Variants in TRIM59 observed in about 807,000 individuals in gnomAD.
TRIM59 encodes the protein tripartite motif-containing protein 59.
A neutral mutation model predicts 32.2 loss-of-function variants in TRIM59; 14 were observed. The ratio of observed to expected loss-of-function variants is 0.43; its 90% CI spans 0.29 to 0.68. The LOEUF (loss-of-function observed/expected upper bound fraction) is 0.68. Among genes scored for constraint, TRIM59 ranks in the 30% least tolerant of loss-of-function variants. The pLI is 0.15. For missense variants in TRIM59, 471 were observed against 463.3 expected, an observed-to-expected ratio of 1.02 and a Z score of -0.15; for synonymous variants, 163 against 155.1, an observed-to-expected ratio of 1.05 and a Z score of -0.38.
chr3:160,436,517 G>C lies in TRIM59; in HGVS notation c.*1455C>G. 1.0e-6 allele frequency: 1 copy of C among 985,694 alleles called. No homozygotes were observed. The highest frequency in any genetic ancestry group is 1.2e-6 in the Non-Finnish European group (1 of 830,038). The allele number at this position is 985,694 out of a possible 1,614,324, so 61.1% of individuals were successfully genotyped here. On this transcript the variant is annotated 3_prime_UTR_variant, in exon 3 of 3. Transcript: ENST00000309784. The stretch of plus-strand genomic sequence containing the variant: ...AAGCTAATAAAAGATTAAGTTGTTG[G>C]GCCGGGCGTGGCGGCTCACGCCTAT...
intron 2 of TRIM59, among the ~76,000 whole-genome samples, chr3:160,446,364 T>C (rs1371076523): frequency 1.3e-5 from 2 of 152,094 alleles, no homozygotes; most frequent in African/African-American, 4.8e-5. Flanking sequence ...AAATGGACAC[T>C]GATGTAAAAT....
Position 160,438,557 on chromosome 3 carries a change from A to G in TRIM59, c.627T>C (p.Asp209=). The change falls in exon 3 of 3, where the codon GAT becomes GAC. Residue 209 remains aspartate, a synonymous_variant. Transcript: ENST00000309784. Reference sequence around the variant, plus strand: ...ATTCTTGATTAATTAGATTGCCAACATCACAGAGAGCCGTTAGGAAACTTT... The same window carrying G: ...ATTCTTGATTAATTAGATTGCCAACGTCACAGAGAGCCGTTAGGAAACTTT... ...KKKSFLTALC[D]VGNLINQEYT... is the part of the protein sequence containing the mutation. 1 of 1,611,302 alleles carries G rather than the reference A, an allele frequency of 6.2e-7. No homozygotes were observed. Among genetic ancestry groups the G allele is most frequent in the Non-Finnish European group, 8.5e-7 (1 of 1,179,418 alleles).
chr3:160,437,306 A>T lies in TRIM59; in HGVS notation c.*666T>A. The T allele has an allele frequency of 3.3e-6, 3 of 915,554 alleles. No homozygotes were observed. Among genetic ancestry groups the T allele is most frequent in the South Asian group, 1.0e-4 (2 of 19,884 alleles). The allele number at this position is 915,554 out of a possible 1,614,324, so 56.7% of individuals were successfully genotyped here. ...GTGGTCGAAACTGCAGTGAGTCATGACCAGACAACTACACTCCAGCCTGGG... is the reference window on the plus strand; with the variant it reads ...GTGGTCGAAACTGCAGTGAGTCATGTCCAGACAACTACACTCCAGCCTGGG... On this transcript the variant is annotated 3_prime_UTR_variant, in exon 3 of 3. Transcript: ENST00000309784.
chr3:160,445,923 C>T (rs966030235), intron 2 of TRIM59, among the ~76,000 whole-genome samples: 1 of 152,064 alleles, frequency 6.6e-6, no homozygotes, highest in Non-Finnish European at 1.5e-5. Context: ...AAACAATCCT[C>T]CCAGCTCAGC....
intron 2 of TRIM59, among the ~76,000 whole-genome samples, chr3:160,444,228 C>A (rs1719405470): frequency 1.3e-5 from 2 of 151,514 alleles, no homozygotes; most frequent in Admixed American, 6.6e-5. Context: ...AAAAAATAAC[C>A]CACAAAAAAT....
Position 160,449,783 on chromosome 3 carries a change from T to A in TRIM59, c.-140A>T. On this transcript the variant is annotated 5_prime_UTR_variant, in exon 1 of 3. Coordinates refer to ENST00000309784, the MANE Select transcript of TRIM59 (RefSeq NM_173084.3). ...CACAGCGCCACGAGCTCCAGGCGGA[T>A]GCTGAGAGCCGCCCCGAGTCCCCGC... is the stretch of plus-strand genomic sequence containing the variant. 4 of 1,256,216 alleles carry A rather than the reference T, an allele frequency of 3.2e-6. No individual in the cohort carries two copies. The highest frequency in any genetic ancestry group is 4.2e-6 in the Non-Finnish European group (4 of 958,400). The allele number at this position is 1,256,216 out of a possible 1,614,324, so 77.8% of individuals were successfully genotyped here.
intron 2 of TRIM59, among the ~76,000 whole-genome samples, chr3:160,440,302 G>A (rs1454980193): frequency 6.6e-6 from 1 of 152,124 alleles, no homozygotes; most frequent in East Asian, 1.9e-4. Context: ...GCACTAAATG[G>A]TAAAGAACAA....
At chr3:160,446,519 G>GA (rs902001687) in intron 2 of TRIM59, among the ~76,000 whole-genome samples, 9 of 151,382 alleles carry the variant, frequency 5.9e-5, no homozygotes, top group Admixed American at 4.6e-4. Flanking sequence ...TAGTTCAATG[G>GA]AAAAAAAATT....
At chr3:160,441,911 A>G (rs1342778896) in intron 2 of TRIM59, among the ~76,000 whole-genome samples, 1 of 152,206 alleles carries the variant, frequency 6.6e-6, no homozygotes, top group African/African-American at 2.4e-5. Flanking sequence ...AAAGAAGATG[A>G]CATTCACTGC....
Position 160,436,351 on chromosome 3 carries a change from C to T in TRIM59, c.*1621G>A, listed in dbSNP as rs1718944947. The T allele has an allele frequency of 3.0e-6, 3 of 985,864 alleles. No individual in the cohort carries two copies. Among genetic ancestry groups the T allele is most frequent in the African/African-American group, 1.7e-5 (1 of 57,204 alleles). 61.1% of individuals were successfully genotyped at this position (985,864 alleles called of 1,614,324 possible). A position where few individuals can be genotyped will look rare whatever the true frequency, so the allele number is the denominator to read the frequency against. ...GCTCTTCGGTGATCCAAGAGCAGCC[C>T]CTTTGGGATTTCTGGAAAGCAAATC... is the stretch of plus-strand genomic sequence containing the variant. On this transcript the variant is annotated 3_prime_UTR_variant, in exon 3 of 3. Coordinates refer to ENST00000309784, the MANE Select transcript of TRIM59 (RefSeq NM_173084.3).
intron 2 of TRIM59, among the ~76,000 whole-genome samples, chr3:160,439,650 T>G (rs1719139250): frequency 6.6e-6 from 1 of 152,154 alleles, no homozygotes; most frequent in Non-Finnish European, 1.5e-5. Context: ...AAACCCCTTT[T>G]GCTTCACTCA....
At chr3:160,440,581 T>C (rs1719190617) in intron 2 of TRIM59, among the ~76,000 whole-genome samples, 1 of 152,204 alleles carries the variant, frequency 6.6e-6, no homozygotes, top group South Asian at 2.1e-4. Context: ...AATCAAGTTA[T>C]ACCACTGTTG....
At chr3:160,446,432 C>T (rs1719531470) in intron 2 of TRIM59, among the ~76,000 whole-genome samples, 1 of 151,656 alleles carries the variant, frequency 6.6e-6, no homozygotes, top group South Asian at 2.1e-4. Flanking sequence ...AACACTGTAC[C>T]ATGACTAAAT....
chr3:160,437,457 C>A lies in TRIM59; in HGVS notation c.*515G>T, dbSNP rs563211429. 90 of 985,382 alleles carry A rather than the reference C, an allele frequency of 9.1e-5. No homozygotes were observed. The South Asian group carries it at 3.6e-3, about 39-fold the overall frequency. 61.0% of individuals were successfully genotyped at this position (985,382 alleles called of 1,614,324 possible). Reference sequence around the variant, plus strand: ...GCATTTAGGGCTCTTAAATCTATCTCAAACACAGGTATGTTTGATCAAAAG... The same window carrying A: ...GCATTTAGGGCTCTTAAATCTATCTAAAACACAGGTATGTTTGATCAAAAG... On this transcript the variant is annotated 3_prime_UTR_variant, in exon 3 of 3. Transcript: ENST00000309784.
At chr3:160,448,357 A>AAT (rs1215974495) in intron 2 of TRIM59, among the ~76,000 whole-genome samples, 2 of 152,246 alleles carry the variant, frequency 1.3e-5, no homozygotes, top group Non-Finnish European at 2.9e-5. Context: ...ACTCATTTAA[A>AAT]AAGACCAATA....
chr3:160,448,780 ATCTTTTATTCTTATTCTAAAAT>A lies in TRIM59; in HGVS notation c.-73-7_-59del, dbSNP rs1719668489. ...TACACTCTTCTCCAACTCCTCCAGAATCTTTTATTCTTATTCTAAAATTAAAATAATGTTATCTTTAATGTTT... is the reference window on the plus strand; with the variant it reads ...TACACTCTTCTCCAACTCCTCCAGAATAAAATAATGTTATCTTTAATGTTT... On this transcript the variant is annotated splice_acceptor_variant and splice_polypyrimidine_tract_variant and 5_prime_UTR_variant and intron_variant, in exon 2 of 3. Transcript: ENST00000309784. LOFTEE classifies it low-confidence loss of function (5UTR_SPLICE). 7.9e-7 allele frequency: 1 copy of A among 1,272,176 alleles called. No individual in the cohort carries two copies. Among genetic ancestry groups the A allele is most frequent in the Non-Finnish European group, 1.0e-6 (1 of 980,802 alleles). 78.8% of individuals were successfully genotyped at this position (1,272,176 alleles called of 1,614,324 possible). A position where few individuals can be genotyped will look rare whatever the true frequency, so the allele number is the denominator to read the frequency against.
chr3:160,440,902 T>TC (rs1196358442), intron 2 of TRIM59, among the ~76,000 whole-genome samples: 4 of 152,018 alleles, frequency 2.6e-5, no homozygotes, highest in Non-Finnish European at 4.4e-5. Context: ...AGAGCGAAAC[T>TC]CCGTCTCAAA....
At position 160,448,778 on chromosome 3, in the gene TRIM59, G is replaced by C. The variant is rs949090278; in HGVS notation, c.-56C>G. ...AATACACTCTTCTCCAACTCCTCCA[G>C]AATCTTTTATTCTTATTCTAAAATT... On this transcript the variant is annotated 5_prime_UTR_variant, in exon 2 of 3. Transcript: ENST00000309784. 1 of 1,272,154 alleles carries C rather than the reference G, an allele frequency of 7.9e-7. No homozygotes were observed. The highest frequency in any genetic ancestry group is 1.0e-6 in the Non-Finnish European group (1 of 980,864). 78.8% of individuals were successfully genotyped at this position (1,272,154 alleles called of 1,614,324 possible).
chr3:160,437,927 G>T lies in TRIM59; in HGVS notation c.*45C>A. On this transcript the variant is annotated 3_prime_UTR_variant, in exon 3 of 3. Coordinates refer to ENST00000309784, the MANE Select transcript of TRIM59 (RefSeq NM_173084.3). ...TCCATGCTACCCCATTTTTTGTTTA[G>T]CAATGTACAGAATAAGCCCATTTAA... is the stretch of plus-strand genomic sequence containing the variant. 1 of 1,470,334 alleles carries T rather than the reference G, an allele frequency of 6.8e-7. No homozygotes were observed. 91.1% of individuals were successfully genotyped at this position (1,470,334 alleles called of 1,614,324 possible).
Sources: allele counts gnomAD v4.1 joint callset (sites outside exome capture counted in the v4.1 genomes callset), GRCh38; gene constraint gnomAD v4.1.1; transcripts MANE v1.5; gene names NCBI Gene and HGNC (gene_info 2026-07-23, HGNC 2026-07-21).